Variants in MERTK observed in about 807,000 individuals in gnomAD.
MERTK encodes tyrosine-protein kinase Mer.
Under a neutral mutation model 99.3 loss-of-function variants are expected in MERTK, and 69 were observed. That is an observed-to-expected ratio of 0.70 (90% CI 0.57 to 0.85). MERTK has a LOEUF of 0.85. MERTK is among the 40% of genes least tolerant of loss of function. MERTK has a pLI of 0.00. For synonymous variants in MERTK, 426 were observed against 467.6 expected, an observed-to-expected ratio of 0.91 and a Z score of 1.15; for missense variants, 1,125 against 1,249.4, an observed-to-expected ratio of 0.90 and a Z score of 1.50.
intron 13 of MERTK, among the ~76,000 whole-genome samples, chr2:112,006,781 C>T (rs961291273): frequency 3.3e-5 from 5 of 152,158 alleles, no homozygotes; most frequent in Non-Finnish European, 7.3e-5. Flanking sequence ...CCTGTATTCC[C>T]CCACCTGGTT....
At chr2:111,997,230 T>C in intron 9 of MERTK, 93 bp from the exon 10 acceptor site, 3 of 1,392,006 alleles carry the variant, frequency 2.2e-6, no homozygotes, top group Non-Finnish European at 3.1e-6. Context: ...TTTAACTGAG[T>C]TCTGAAAGCT....
At chr2:112,019,922 A>C (rs1677300776) in intron 16 of MERTK, among the ~76,000 whole-genome samples, 1 of 152,238 alleles carries the variant, frequency 6.6e-6, no homozygotes, top group South Asian at 2.1e-4. Flanking sequence ...CTTAGGAAGA[A>C]GTTTTGTACT....
chr2:112,016,931 T>C (rs987637303), intron 15 of MERTK, among the ~76,000 whole-genome samples: 3 of 152,192 alleles, frequency 2.0e-5, no homozygotes, highest in African/African-American at 7.2e-5. Context: ...CTCGCTGACT[T>C]CAAGAATGAA....
intron 6 of MERTK, among the ~76,000 whole-genome samples, chr2:111,973,143 C>T (rs534408798): frequency 6.6e-6 from 1 of 152,304 alleles, no homozygotes; most frequent in East Asian, 1.9e-4. Context: ...GACCCACTGA[C>T]TGAGAAGGAC....
chr2:112,015,183 A>G (rs999902729), intron 15 of MERTK, among the ~76,000 whole-genome samples: 2 of 152,174 alleles, frequency 1.3e-5, no homozygotes, highest in African/African-American at 2.4e-5. Context: ...TCATTTTTCT[A>G]AAGTAAATGC....
intron 6 of MERTK, among the ~76,000 whole-genome samples, chr2:111,973,477 T>C (rs1247164425): frequency 6.6e-6 from 1 of 152,172 alleles, no homozygotes; most frequent in Non-Finnish European, 1.5e-5. Flanking sequence ...ACCGTACTCC[T>C]GGTATCTGCC....
At position 111,994,256 on chromosome 2, in the gene MERTK, G is replaced by T; in HGVS notation, c.1302G>T (p.Glu434Asp). 1 of 1,613,974 alleles carries T rather than the reference G, an allele frequency of 6.2e-7. No individual in the cohort carries two copies. Among genetic ancestry groups the T allele is most frequent in the Non-Finnish European group, 8.5e-7 (1 of 1,180,030 alleles). The change falls in exon 9 of 19, where the codon GAG (glutamate) becomes GAT (aspartate). Residue 434 changes from glutamate to aspartate, a missense_variant. Physicochemically the swap from Glu to Asp is conservative, Grantham distance 45 (BLOSUM62 2). Coordinates refer to ENST00000295408, the MANE Select transcript of MERTK (RefSeq NM_006343.3). ...CTCTTCCTCTCTGTCTCCAGAAAGAGCTCTTGGAGGAAGTTGGCCAGAATG... is the reference window on the plus strand; with the variant it reads ...CTCTTCCTCTCTGTCTCCAGAAAGATCTCTTGGAGGAAGTTGGCCAGAATG... ...HVWQSAGISKELLEEVGQNGS... is the reference protein window; with the variant it reads ...HVWQSAGISKDLLEEVGQNGS...
chr2:111,921,487 A>G (rs1684458136), intron 1 of MERTK, among the ~76,000 whole-genome samples: 1 of 139,622 alleles, frequency 7.2e-6, no homozygotes, highest in African/African-American at 2.7e-5. Context: ...GCTGTGACAG[A>G]CTAAGACGCG....
intron 15 of MERTK, among the ~76,000 whole-genome samples, chr2:112,015,313 C>G (rs1180996797): frequency 2.0e-5 from 3 of 152,156 alleles, no homozygotes; most frequent in Admixed American, 2.0e-4. Context: ...GCAGTGCTCC[C>G]CATTCTTATT....
intron 1 of MERTK, among the ~76,000 whole-genome samples, chr2:111,910,151 G>C (rs1425860084): frequency 1.3e-5 from 2 of 152,186 alleles, no homozygotes; most frequent in Non-Finnish European, 2.9e-5. Flanking sequence ...TATGGTCATA[G>C]CTGCTCAGCA....
chr2:111,913,775 C>T (rs112466769), intron 1 of MERTK, among the ~76,000 whole-genome samples: 2 of 152,176 alleles, frequency 1.3e-5, no homozygotes, highest in African/African-American at 2.4e-5. Context: ...TGTTGAACTC[C>T]TGACTTCAGG....
At chr2:111,899,462 T>TTA (rs1243506479) in intron 1 of MERTK, among the ~76,000 whole-genome samples, 2 of 152,200 alleles carry the variant, frequency 1.3e-5, no homozygotes, top group African/African-American at 4.8e-5. Flanking sequence ...AGAACAGAAC[T>TTA]TACAGTGCTC....
chr2:111,973,815 A>G (rs1170399075), intron 6 of MERTK, among the ~76,000 whole-genome samples: 1 of 152,124 alleles, frequency 6.6e-6, no homozygotes, highest in Admixed American at 6.5e-5. Context: ...AGTTTCGCCC[A>G]GGACTAGACT....
In MERTK at chr2:112,028,660, T is replaced by C. The variant is rs144771372; in HGVS notation, c.2796T>C (p.Asn932=). ...CTCATGAAGGACGGTACATCCTGAA[T>C]GGGGGCAGTGAGGAATGGGAAGATC... ...SKPHEGRYIL[N]GGSEEWEDLT... is the part of the protein sequence containing the mutation. Residue 932 remains asparagine, a synonymous_variant, in exon 19 of 19, where the codon AAT becomes AAC. Coordinates refer to ENST00000295408, the MANE Select transcript of MERTK (RefSeq NM_006343.3). 39 of 1,614,184 alleles carry C rather than the reference T, an allele frequency of 2.4e-5. No individual in the cohort carries two copies. Among genetic ancestry groups the C allele is most frequent in the Non-Finnish European group, 3.3e-5 (39 of 1,180,020 alleles).
chr2:111,933,536 G>A (rs1684711135), intron 2 of MERTK, among the ~76,000 whole-genome samples: 1 of 152,034 alleles, frequency 6.6e-6, no homozygotes, highest in Admixed American at 6.6e-5. Context: ...TTTCAGTTTG[G>A]TCATGGGACC....
At chr2:111,914,067 T>A (rs1338816368) in intron 1 of MERTK, among the ~76,000 whole-genome samples, 2 of 150,944 alleles carry the variant, frequency 1.3e-5, no homozygotes, top group African/African-American at 4.9e-5. Flanking sequence ...AAGTTGAGGA[T>A]GTGCCCCTCT....
chr2:111,981,730 C>T (rs932124186), intron 7 of MERTK, among the ~76,000 whole-genome samples: 4 of 102,684 alleles, frequency 3.9e-5, no homozygotes, highest in Admixed American at 3.0e-4. Flanking sequence ...TATACACGTA[C>T]ACTCGTGTAC....
intron 6 of MERTK, among the ~76,000 whole-genome samples, chr2:111,968,859 C>T (rs370067648): frequency 1.1e-4 from 16 of 152,240 alleles, no homozygotes; most frequent in Admixed American, 5.9e-4. Context: ...TTTAAGGTCC[C>T]GAAACACATG....
At chr2:112,001,379 T>G (rs909917273) in intron 11 of MERTK, 93 bp downstream of exon 11, 3 of 1,019,390 alleles carry the variant, frequency 2.9e-6, no homozygotes, top group Non-Finnish European at 4.7e-6. Context: ...AAGCCAAAGA[T>G]GTCGAAGAAG....
Sources: allele counts gnomAD v4.1 joint callset (sites outside exome capture counted in the v4.1 genomes callset), GRCh38; gene constraint gnomAD v4.1.1; transcripts MANE v1.5; gene names NCBI Gene and HGNC (gene_info 2026-07-23, HGNC 2026-07-21).